Variants in ASPM observed in about 807,000 individuals in gnomAD.
ASPM encodes the protein assembly factor for spindle microtubules.
In ASPM, 256 loss-of-function variants were observed where a neutral mutation model predicts 366.4. The observed-to-expected ratio is 0.70, with a 90% CI of 0.63 to 0.77. The LOEUF is 0.77. Among genes scored for constraint, ASPM ranks in the 30% least tolerant of loss-of-function variants. The pLI is 0.00. For synonymous variants in ASPM, 1,414 were observed against 1,342.9 expected, an observed-to-expected ratio of 1.05 and a Z score of -1.16; for missense variants, 4,146 against 4,090.4, an observed-to-expected ratio of 1.01 and a Z score of -0.37.
At position 197,102,304 on chromosome 1, in the gene ASPM, A is replaced by G; in HGVS notation, c.6947T>C (p.Ile2316Thr). The change falls in exon 18 of 28, where the codon ATT (isoleucine) becomes ACT (threonine). Residue 2316 changes from isoleucine (I) to threonine (T), a missense_variant. This residue lies in a region of ASPM where 3,624 missense variants were observed against 3,591.7 expected (regional missense o/e 1.01). Transcript: ENST00000367409. ...TCTTCTGTATGATGACTGGATTTTA[A>G]TAACTGCATTTTGTACCTGAAGGAA... ...LQFLQVQNAVIKIQSSYRRWM... is the reference protein window; with the variant it reads ...LQFLQVQNAVTKIQSSYRRWM... The G allele has an allele frequency of 6.2e-7, 1 of 1,612,828 alleles. No individual in the cohort carries two copies. The highest frequency in any genetic ancestry group is 8.5e-7 in the Non-Finnish European group (1 of 1,179,292).
intron 26 of ASPM, among the ~76,000 whole-genome samples, chr1:197,087,423 T>C (rs947155125): frequency 6.6e-6 from 1 of 152,108 alleles, no homozygotes; most frequent in East Asian, 1.9e-4. Flanking sequence ...CTCACCAAGT[T>C]TGGCAGGTAG....
rs765261734 is a variant in ASPM, at chr1:197,142,556, A to G, written c.1696T>C (p.Ser566Pro). 6.2e-7 allele frequency: 1 copy of G among 1,614,030 alleles called. No individual in the cohort carries two copies. The highest frequency in any genetic ancestry group is 1.7e-5 in the Admixed American group (1 of 60,022). The change falls in exon 3 of 28, where the codon TCG becomes CCG. Residue 566 changes from serine to proline, a missense_variant. Physicochemically the swap from Ser to Pro is moderately conservative, Grantham distance 74 (BLOSUM62 -1). This residue lies in a region of ASPM where 3,624 missense variants were observed against 3,591.7 expected (regional missense o/e 1.01). Coordinates refer to ENST00000367409, the MANE Select transcript of ASPM (RefSeq NM_018136.5). ...KSYKNEVTPS[S>P]TTASVARKRK... ...TTCCGAGCAACTGAAGCTGTTGTCG[A>G]AGAGGGTGTTACCTCGTTTTTATAA...
chr1:197,093,050 ACT>A lies in ASPM; in HGVS notation c.9294_9294+1del. 6.3e-7 allele frequency: 1 copy of A among 1,595,924 alleles called. No homozygotes were observed. Among genetic ancestry groups the A allele is most frequent in the East Asian group, 2.2e-5 (1 of 44,710 alleles). ...TGAGATATGCTACTTGAAAATACTT[ACT>A]CTTTTTCGTACTAGCCAACCACGCA... On this transcript the variant is annotated splice_donor_variant and coding_sequence_variant, in exon 21 of 28. Transcript: ENST00000367409. LOFTEE classifies it high-confidence loss of function.
At chr1:197,109,512 A>C (rs947359024) in intron 17 of ASPM, among the ~76,000 whole-genome samples, 2 of 152,132 alleles carry the variant, frequency 1.3e-5, no homozygotes, top group African/African-American at 4.8e-5. Context: ...AAGGGCATCT[A>C]CAAGAAAACT....
intron 13 of ASPM, 110 bp from the exon 14 acceptor site, chr1:197,122,705 T>C: frequency 1.8e-6 from 2 of 1,091,370 alleles, no homozygotes; most frequent in Non-Finnish European, 2.7e-6. Flanking sequence ...GTGACAAATC[T>C]ACAAGGCAAG....
chr1:197,113,630 A>G lies in ASPM; in HGVS notation c.4065+4159T>C, dbSNP rs929906279. ...GATAAAGAAACACTCCTTATATAAT[A>G]CACAAAAAATACTAACAATAAAAGA... On this transcript the variant is annotated intron_variant, in intron 17 of 27. Coordinates refer to ENST00000367409, the MANE Select transcript of ASPM (RefSeq NM_018136.5). 2.7e-4 allele frequency among the ~76,000 whole-genome samples: 41 copies of G among 152,164 alleles called. 1 individual carries two copies. Among genetic ancestry groups the G allele is most frequent in the Non-Finnish European group, 1.3e-4 (9 of 68,032 alleles).
chr1:197,113,841 A>T (rs1011589089), intron 17 of ASPM, among the ~76,000 whole-genome samples: 6 of 152,200 alleles, frequency 3.9e-5, no homozygotes, highest in Non-Finnish European at 5.9e-5. Flanking sequence ...CAAAATGGAA[A>T]AGTTGTTCAA....
chr1:197,117,704 T>C (rs1317024659), intron 17 of ASPM, 85 bp downstream of exon 17: 3 of 1,187,952 alleles, frequency 2.5e-6, no homozygotes, highest in African/African-American at 1.5e-5. Context: ...AATATAATCA[T>C]TGAAAACTTC....
Position 197,122,591 on chromosome 1 carries a change from T to A in ASPM, c.3395A>T (p.Glu1132Val), listed in dbSNP as rs1479404298. ...AVCAFYNKKVENFTVSFSDGR... is the reference protein window; with the variant it reads ...AVCAFYNKKVVNFTVSFSDGR... ...GTCTGAGAAAGACACTGTAAAATTC[T>A]CCACCTGATTGAAAATGCCAGAAAA... The change falls in exon 14 of 28, where the codon GAG (glutamate) becomes GTG (valine). Residue 1132 changes from glutamate (E) to valine (V), a missense_variant. By Grantham distance (121) the Glu-to-Val change is moderately radical. This residue lies in a region of ASPM where 3,624 missense variants were observed against 3,591.7 expected (regional missense o/e 1.01). Transcript: ENST00000367409. The A allele has an allele frequency of 1.2e-6, 2 of 1,602,336 alleles. No homozygotes were observed. The highest frequency in any genetic ancestry group is 1.7e-6 in the Non-Finnish European group (2 of 1,173,446).
intron 16 of ASPM, among the ~76,000 whole-genome samples, chr1:197,120,475 A>G (rs1004194352): frequency 2.0e-5 from 3 of 152,138 alleles, no homozygotes; most frequent in Non-Finnish European, 2.9e-5. Context: ...ATCTGAAGTG[A>G]GCCAAGATCG....
chr1:197,133,396 A>G lies in ASPM; in HGVS notation c.2373T>C (p.Ala791=). Reference sequence around the variant, plus strand: ...TATCTTTTCGAACAATTAACCGCCTAGCTTCAATTTCAATTTCAAGCTTTT... The same window carrying G: ...TATCTTTTCGAACAATTAACCGCCTGGCTTCAATTTCAATTTCAAGCTTTT... ...AIKKLEIEIE[A]RRLIVRKDRH... is the part of the protein sequence containing the mutation. Residue 791 remains alanine, a synonymous_variant, in exon 6 of 28, where the codon GCT becomes GCC. Transcript: ENST00000367409. 1 of 1,614,044 alleles carries G rather than the reference A, an allele frequency of 6.2e-7. No individual in the cohort carries two copies. Among genetic ancestry groups the G allele is most frequent in the African/African-American group, 1.3e-5 (1 of 75,052 alleles).
In ASPM at chr1:197,103,195, T is replaced by C; in HGVS notation, c.6056A>G (p.Lys2019Arg). Reference sequence around the variant, plus strand: ...TAAAGTTACTACAGCTGCTTTTGTTTTCAAATATAAATGATTCTGTTCTCT... The same window carrying C: ...TAAAGTTACTACAGCTGCTTTTGTTCTCAAATATAAATGATTCTGTTCTCT... ...IGREQNHLYL[K>R]TKAAVVTLQS... is the part of the protein sequence containing the mutation. Residue 2019 changes from lysine (K) to arginine (R), a missense_variant, in exon 18 of 28, where the codon AAA (lysine) becomes AGA (arginine). Lys to Arg is a conservative substitution (Grantham distance 26, BLOSUM62 2). Coordinates refer to ENST00000367409, the MANE Select transcript of ASPM (RefSeq NM_018136.5). 6.2e-7 allele frequency: 1 copy of C among 1,612,724 alleles called. No homozygotes were observed. Among genetic ancestry groups the C allele is most frequent in the Non-Finnish European group, 8.5e-7 (1 of 1,179,376 alleles).
chr1:197,144,190 T>C (rs1658696808), intron 1 of ASPM, 90 bp from the exon 2 acceptor site: 1 of 904,700 alleles, frequency 1.1e-6, no homozygotes, highest in African/African-American at 1.7e-5. Flanking sequence ...TAGTAGGGCT[T>C]AATAATTGTT....
intron 17 of ASPM, among the ~76,000 whole-genome samples, chr1:197,109,487 T>A (rs889141743): frequency 6.6e-5 from 10 of 152,066 alleles, no homozygotes; most frequent in African/African-American, 1.9e-4. Context: ...AAACAGAGAC[T>A]CCTTCAACCT....
At chr1:197,113,760 G>A (rs528652811) in intron 17 of ASPM, among the ~76,000 whole-genome samples, 368 of 152,140 alleles carry the variant, frequency 2.4e-3, no homozygotes, top group African/African-American at 8.4e-3. Flanking sequence ...ATAGTATAAC[G>A]CTCTTTTATA....
chr1:197,133,418 T>C lies in ASPM; in HGVS notation c.2351A>G (p.Lys784Arg). 6.2e-7 allele frequency: 1 copy of C among 1,614,096 alleles called. No homozygotes were observed. Among genetic ancestry groups the C allele is most frequent in the East Asian group, 2.2e-5 (1 of 44,852 alleles). ...TSEKMVKAIK[K>R]LEIEIEARRL... is the part of the protein sequence containing the mutation. ...CCTAGCTTCAATTTCAATTTCAAGC[T>C]TTTTAATAGCTTTAACCATTTTTTC... The change falls in exon 6 of 28, where the codon AAG becomes AGG. Residue 784 changes from lysine (K) to arginine (R), a missense_variant. Lys to Arg is a conservative substitution (Grantham distance 26). This residue lies in a region of ASPM where 3,624 missense variants were observed against 3,591.7 expected (regional missense o/e 1.01). Transcript: ENST00000367409.
At chr1:197,131,059 T>C (rs555182032) in intron 7 of ASPM, among the ~76,000 whole-genome samples, 2 of 152,324 alleles carry the variant, frequency 1.3e-5, no homozygotes, top group South Asian at 4.1e-4. Context: ...CTAGTTGATC[T>C]GTAACTTGCC....
At chr1:197,134,560 CCTTA>C (rs1445635475) in intron 5 of ASPM, among the ~76,000 whole-genome samples, 3 of 152,190 alleles carry the variant, frequency 2.0e-5, no homozygotes, top group Non-Finnish European at 4.4e-5. Context: ...AAGAATTTTT[CCTTA>C]TCTTCAGCTG....
chr1:197,088,010 T>C (rs1010264924), intron 26 of ASPM, among the ~76,000 whole-genome samples: 2 of 152,208 alleles, frequency 1.3e-5, no homozygotes, highest in Non-Finnish European at 2.9e-5. Flanking sequence ...CTTTTCTCTC[T>C]AGTAAATGGG....
Sources: allele counts gnomAD v4.1 joint callset (sites outside exome capture counted in the v4.1 genomes callset), GRCh38; gene constraint gnomAD v4.1.1; regional missense constraint gnomAD v4.1.1; transcripts MANE v1.5; gene names NCBI Gene and HGNC (gene_info 2026-07-23, HGNC 2026-07-21).